Variants in ELF2 observed in about 807,000 individuals in gnomAD.
ELF2 encodes E74 like ETS transcription factor 2.
In ELF2, 11 loss-of-function variants were observed where a neutral mutation model predicts 54.8. That is an observed-to-expected ratio of 0.20 (90% CI 0.13 to 0.33). ELF2 has a LOEUF of 0.33. ELF2 is among the 10% of genes least tolerant of loss of function. The pLI, the probability that ELF2 is intolerant of heterozygous loss-of-function variation, is 1.00. For synonymous variants in ELF2, 203 were observed against 245.1 expected (o/e 0.83, Z 1.61); for missense variants, 513 against 703.0 (o/e 0.73, Z 3.06).
rs983427035 is a variant in ELF2 at position 139,063,367 on chromosome 4, G to A, written c.614-1310C>T. On this transcript the variant is annotated intron_variant, in intron 7 of 9. Transcript: ENST00000686138. ...CAATAGACGGAAGATAATGTTTAAA[G>A]GATTTCATTATATATACTTATATCT... Among the ~76,000 whole-genome samples the A allele has an allele frequency of 2.0e-5, 3 of 152,094 alleles. No individual in the cohort carries two copies. The East Asian group carries it at 5.8e-4, about 29-fold the overall frequency.
chr4:139,177,510 C>G (rs927780832), upstream of ELF2, among the ~76,000 whole-genome samples: 10 of 151,872 alleles, frequency 6.6e-5, no homozygotes, highest in Non-Finnish European at 1.5e-4. Context: ...ATCCCGCCCT[C>G]TTCTCCTCGC....
At chr4:139,146,497 T>C (rs1427326289) in intron 1 of ELF2, among the ~76,000 whole-genome samples, 2 of 152,084 alleles carry the variant, frequency 1.3e-5, no homozygotes, top group African/African-American at 4.8e-5. Flanking sequence ...AACAGCAACA[T>C]CCTTTTTCAC....
At chr4:139,111,943 T>C (rs1430891177) in intron 4 of ELF2, among the ~76,000 whole-genome samples, 1 of 152,212 alleles carries the variant, frequency 6.6e-6, no homozygotes, top group African/African-American at 2.4e-5. Context: ...AAGTAATTCT[T>C]TGACTGTCCT....
intron 1 of ELF2, among the ~76,000 whole-genome samples, chr4:139,163,778 C>T (rs986117910): frequency 6.6e-6 from 1 of 151,984 alleles, no homozygotes; most frequent in African/African-American, 2.4e-5. Context: ...GCCAGACACA[C>T]TGGCATGTGC....
chr4:139,175,114 A>G (rs1742773118), intron 1 of ELF2, among the ~76,000 whole-genome samples: 2 of 152,240 alleles, frequency 1.3e-5, no homozygotes, highest in Non-Finnish European at 2.9e-5. Context: ...ACTGACTAGT[A>G]TGTGAATTAT....
chr4:139,071,981 C>A lies in ELF2; in HGVS notation c.411G>T (p.Arg137Ser), dbSNP rs1257653913. The A allele has an allele frequency of 6.2e-7, 1 of 1,613,904 alleles. No individual in the cohort carries two copies. Among genetic ancestry groups the A allele is most frequent in the Non-Finnish European group, 8.5e-7 (1 of 1,179,974 alleles). Reference protein sequence around the residue: ...STPEFIHAAMRPDVITETVVE... With the variant: ...STPEFIHAAMSPDVITETVVE... ...CTACAGTTTCTGTAATGACATCTGG[C>A]CTCATAGCAGCATGGATGAATTCTG... Residue 137 changes from arginine to serine, a missense_variant, in exon 6 of 10, where the codon AGG becomes AGT. Physicochemically the swap from Arg to Ser is moderately radical, Grantham distance 110. This residue lies in a region of ELF2 where 203 missense variants were observed against 245.9 expected (regional missense o/e 0.83). Coordinates refer to ENST00000686138, the MANE Select transcript of ELF2 (RefSeq NM_001331036.3).
chr4:139,112,239 C>T (rs1349629965), intron 4 of ELF2, among the ~76,000 whole-genome samples: 9 of 152,222 alleles, frequency 5.9e-5, no homozygotes, highest in Non-Finnish European at 1.2e-4. Context: ...TTCAACCTTG[C>T]TATTCTCTGC....
In ELF2 at chr4:139,119,962, TG is replaced by T. The variant is rs200937435; in HGVS notation, c.238+5201del. ...CTAATTTTTGTATTTTTAGTAGAGA[TG>T]GGGTTTCACCACATTGGGCAGGCTG... On this transcript the variant is annotated intron_variant, in intron 4 of 9. Coordinates refer to ENST00000686138, the MANE Select transcript of ELF2 (RefSeq NM_001331036.3). Among the ~76,000 whole-genome samples, 1,117 of 152,212 alleles carry T rather than the reference TG, an allele frequency of 7.3e-3. 20 individuals carry two copies. The highest frequency in any genetic ancestry group is 0.025 in the African/African-American group (1,054 of 41,540).
chr4:139,128,524 CTTT>C (rs572395535), intron 3 of ELF2, among the ~76,000 whole-genome samples: 7 of 139,880 alleles, frequency 5.0e-5, no homozygotes, highest in Admixed American at 7.2e-5. Flanking sequence ...TATTTTTTTG[CTTT>C]TTTTTTTTTT....
At chr4:139,126,796 T>G (rs571601290) in intron 3 of ELF2, among the ~76,000 whole-genome samples, 1 of 152,206 alleles carries the variant, frequency 6.6e-6, no homozygotes, top group Non-Finnish European at 1.5e-5. Flanking sequence ...TCATGTTTCC[T>G]TTCTCAAGAA....
chr4:139,137,617 T>C lies in ELF2; in HGVS notation c.72+13A>G, dbSNP rs756101338. On this transcript the variant is annotated intron_variant, in intron 3 of 9. Coordinates refer to ENST00000686138, the MANE Select transcript of ELF2 (RefSeq NM_001331036.3). Reference sequence around the variant, plus strand: ...ATGAAGAAAATAGAAATGTAATTCATTGAATGCCTAACCTCTTGATTTTCT... The same window carrying C: ...ATGAAGAAAATAGAAATGTAATTCACTGAATGCCTAACCTCTTGATTTTCT... 6.2e-6 allele frequency: 10 copies of C among 1,611,522 alleles called. No individual in the cohort carries two copies. Among genetic ancestry groups the C allele is most frequent in the East Asian group, 4.5e-5 (2 of 44,854 alleles).
chr4:139,099,016 C>T (rs1253205944), intron 4 of ELF2, among the ~76,000 whole-genome samples: 5 of 152,156 alleles, frequency 3.3e-5, no homozygotes, highest in Admixed American at 3.3e-4. Flanking sequence ...ATTCCCTAAC[C>T]TATCCCAAAG....
chr4:139,146,834 T>C (rs1739269371), intron 1 of ELF2, among the ~76,000 whole-genome samples: 1 of 151,978 alleles, frequency 6.6e-6, no homozygotes. Flanking sequence ...AGTAGAAAAA[T>C]GAAACTGGAT....
At position 139,069,349 on chromosome 4, in the gene ELF2, C is replaced by T. The variant is rs186822380; in HGVS notation, c.527-1579G>A. ...ACTTTAGAATTCTGGTAATTGTAAT[C>T]AGAAGTCTGTTTTAACAAAAAGTAA... On this transcript the variant is annotated intron_variant, in intron 6 of 9. Coordinates refer to ENST00000686138, the MANE Select transcript of ELF2 (RefSeq NM_001331036.3). Among the ~76,000 whole-genome samples the T allele has an allele frequency of 4.4e-3, 676 of 152,234 alleles. 9 individuals carry two copies. The highest frequency in any genetic ancestry group is 0.015 in the African/African-American group (642 of 41,522).
chr4:139,083,795 G>A (rs1264106611), intron 4 of ELF2, among the ~76,000 whole-genome samples: 1 of 152,156 alleles, frequency 6.6e-6, no homozygotes, highest in Non-Finnish European at 1.5e-5. Context: ...CTGGGGTGAA[G>A]CGCACAACTC....
rs528699012 is a variant in ELF2 at position 139,119,416 on chromosome 4, C to T, written c.238+5748G>A. ...GACTTCATCAACGGGATTCCTATGG[C>T]TTCAGACTGAGTTTGGTCAATGGCG... On this transcript the variant is annotated intron_variant, in intron 4 of 9. Transcript: ENST00000686138. Among the ~76,000 whole-genome samples the T allele has an allele frequency of 1.6e-3, 246 of 152,322 alleles. 1 individual carries two copies. The highest frequency in any genetic ancestry group is 3.0e-3 in the Non-Finnish European group (203 of 68,018).
intron 4 of ELF2, among the ~76,000 whole-genome samples, chr4:139,085,464 G>C (rs1177471511): frequency 1.3e-5 from 2 of 152,106 alleles, no homozygotes; most frequent in Non-Finnish European, 2.9e-5. Context: ...ACTGTGTAGA[G>C]AAAAAAATGT....
intron 1 of ELF2, among the ~76,000 whole-genome samples, chr4:139,175,760 G>A (rs1742841948): frequency 6.6e-6 from 1 of 152,182 alleles, no homozygotes; most frequent in African/African-American, 2.4e-5. Context: ...TTAAGCTGAA[G>A]TAAATGTTCA....
intron 4 of ELF2, among the ~76,000 whole-genome samples, chr4:139,073,956 G>A (rs530903004): frequency 2.4e-4 from 37 of 152,090 alleles, no homozygotes; most frequent in South Asian, 6.2e-4. Context: ...GTGAAACCCC[G>A]TCTCTACCAA....
Sources: gnomAD v4.1 joint callset for allele counts (sites outside exome capture counted in the v4.1 genomes callset) on GRCh38, gnomAD v4.1.1 for gene constraint, gnomAD v4.1.1 regional missense constraint, MANE v1.5 for transcripts, NCBI Gene and HGNC (gene_info 2026-07-23, HGNC 2026-07-21) for gene names.